The following ZNF674 variants were observed in gnomAD, a reference collection of about 807,000 sequenced individuals.
The protein encoded by ZNF674 is zinc finger family member 674.
ZNF674 carries 2 observed loss-of-function variants against 7.0 expected under a neutral mutation model. That is an observed-to-expected ratio of 0.29 (90% CI 0.12 to 0.90). The LOEUF is 0.90. Ranked by LOEUF, ZNF674 falls within the 40% of genes least tolerant of loss-of-function variation. The pLI is 0.57. For synonymous variants in ZNF674, 103 were observed against 145.2 expected (o/e 0.71, Z 2.09); for missense variants, 297 against 415.5 (o/e 0.71, Z 2.48).
chrX:46,540,010 C>T (rs1942263796), intron 3 of ZNF674, among the ~76,000 whole-genome samples: 1 of 111,599 alleles, frequency 9.0e-6, no homozygotes, highest in South Asian at 3.6e-4. Flanking sequence ...TCTGGGAGGC[C>T]GAGGAGGGCG....
Position 46,501,662 on chromosome X carries a change from ATG to A in ZNF674, c.239-329_239-328del, listed in dbSNP as rs372308686. ...TATATATACATATAATTGTATATAT[ATG>A]TGTGTGTGTGTGTGTGTGTGTGTAT... On this transcript the variant is annotated intron_variant, in intron 5 of 5. Coordinates refer to ENST00000683375, the MANE Select transcript of ZNF674 (RefSeq NM_001190417.2). 6.3e-3 allele frequency among the ~76,000 whole-genome samples: 648 copies of A among 102,197 alleles called. 6 individuals carry two copies. Among genetic ancestry groups the A allele is most frequent in the African/African-American group, 0.019 (546 of 28,192 alleles). The allele number at this position is 102,197 out of a possible 115,157, so 88.7% of individuals were successfully genotyped here.
At chrX:46,531,538 A>G (rs1468692992) in intron 3 of ZNF674, among the ~76,000 whole-genome samples, 1 of 111,648 alleles carries the variant, frequency 9.0e-6, no homozygotes, top group African/African-American at 3.3e-5. Flanking sequence ...TGTCCACTGG[A>G]GAATGACTTG....
intron 5 of ZNF674, among the ~76,000 whole-genome samples, chrX:46,519,273 T>TA (rs780507155): frequency 0.084 from 6,240 of 74,036 alleles, 331 homozygotes; most frequent in Middle Eastern, 0.1. Context: ...TAAAGATAGA[T>TA]GATAGATAGA....
At position 46,500,160 on chromosome X, in the gene ZNF674, C is replaced by T. The variant is rs1458510883; in HGVS notation, c.1414G>A (p.Ala472Thr). 1 of 1,211,415 alleles carries T rather than the reference C, an allele frequency of 8.3e-7. No homozygotes were observed. The highest frequency in any genetic ancestry group is 1.1e-6 in the Non-Finnish European group (1 of 895,304). The change falls in exon 6 of 6, where the codon GCC becomes ACC. Residue 472 changes from alanine (A) to threonine (T), a missense_variant. Physicochemically the swap from Ala to Thr is moderately conservative, Grantham distance 58. Coordinates refer to ENST00000683375, the MANE Select transcript of ZNF674 (RefSeq NM_001190417.2). ...ATCAGTGGTGACTTCTCACTAAAGG[C>T]TTTCCCACATTCGTTGCATTTATAG... ...KPYKCNECGKAFSEKSPLIKH... is the reference protein window; with the variant it reads ...KPYKCNECGKTFSEKSPLIKH...
intron 3 of ZNF674, among the ~76,000 whole-genome samples, chrX:46,532,523 C>CA (rs200324199): frequency 1.9e-3 from 212 of 111,032 alleles, no homozygotes; most frequent in African/African-American, 6.5e-3. Flanking sequence ...CGTTAAGTCG[C>CA]AAAAAAAATT....
At chrX:46,530,703 T>C (rs768169588) in intron 3 of ZNF674, among the ~76,000 whole-genome samples, 3 of 113,134 alleles carry the variant, frequency 2.7e-5, no homozygotes, top group African/African-American at 6.4e-5. Context: ...GAATAGCCTC[T>C]GAAGTGATCA....
At chrX:46,533,829 A>ATATATATATAT (rs1556020014) in intron 3 of ZNF674, among the ~76,000 whole-genome samples, 3 of 65,542 alleles carry the variant, frequency 4.6e-5, no homozygotes, top group African/African-American at 3.0e-4. Flanking sequence ...AAAAAAAAAA[A>ATATATATATAT]ATATATATAT....
intron 5 of ZNF674, among the ~76,000 whole-genome samples, chrX:46,524,882 T>G: frequency 9.1e-6 from 1 of 109,419 alleles, no homozygotes; most frequent in Non-Finnish European, 1.9e-5. Context: ...TGGTGGTACA[T>G]GCCTGTAGTC....
intron 3 of ZNF674, among the ~76,000 whole-genome samples, chrX:46,534,889 C>T (rs746446262): frequency 8.9e-4 from 97 of 109,154 alleles, no homozygotes; most frequent in Non-Finnish European, 1.6e-3. Flanking sequence ...TACAGGCACC[C>T]GCCACCATAC....
Position 46,498,559 on chromosome X carries a change from G to A in ZNF674, c.*1284C>T, listed in dbSNP as rs55646680. 0.27 allele frequency: 29,183 copies of A among 109,164 alleles called. 3,080 individuals carry two copies. The highest frequency in any genetic ancestry group is 0.37 in the Middle Eastern group (78 of 209). The allele number at this position is 109,164 out of a possible 1,213,427, so 9.0% of individuals were successfully genotyped here. On this transcript the variant is annotated 3_prime_UTR_variant, in exon 6 of 6. Coordinates refer to ENST00000683375, the MANE Select transcript of ZNF674 (RefSeq NM_001190417.2). ...AATAATCTGGGAGTTTGCCCCACAT[G>A]GGATATTTTATGCTTTATACTGTTC...
chrX:46,539,153 G>A (rs1041978258), intron 3 of ZNF674, among the ~76,000 whole-genome samples: 27 of 111,987 alleles, frequency 2.4e-4, no homozygotes, highest in Non-Finnish European at 1.5e-4. Flanking sequence ...CCACCATACT[G>A]TAGCCTGGGT....
Position 46,501,225 on chromosome X carries a change from C to G in ZNF674, c.349G>C (p.Glu117Gln). ...KETLKDESGQECKICRKIIYL... is the reference protein window; with the variant it reads ...KETLKDESGQQCKICRKIIYL... The stretch of plus-strand genomic sequence containing the variant: ...ATGATTTTTCTACATATTTTACATT[C>G]TTGACCACTTTCATCCTTCAGTGTT... Residue 117 changes from glutamate (E) to glutamine (Q), a missense_variant, in exon 6 of 6, where the codon GAA becomes CAA. Transcript: ENST00000683375. 8.3e-7 allele frequency: 1 copy of G among 1,211,023 alleles called. No homozygotes were observed. The highest frequency in any genetic ancestry group is 2.2e-5 in the Admixed American group (1 of 45,935).
intron 3 of ZNF674, among the ~76,000 whole-genome samples, chrX:46,538,873 C>T (rs917663263): frequency 3.8e-4 from 42 of 110,964 alleles, no homozygotes; most frequent in Admixed American, 3.8e-3. Flanking sequence ...GCCTGGGCAA[C>T]ACAGCAAGAC....
At chrX:46,529,626 G>A (rs1199651804) in intron 3 of ZNF674, 1 of 103,836 alleles carries the variant, frequency 9.6e-6, no homozygotes, top group Non-Finnish European at 1.9e-5. Flanking sequence ...CCAAGATCAC[G>A]CCATTGCACT....
At position 46,497,729 on chromosome X, in the gene ZNF674, C is replaced by A. The variant is rs1418017573; in HGVS notation, c.*2114G>T. 2 of 111,322 alleles carry A rather than the reference C, an allele frequency of 1.8e-5. No homozygotes were observed. The highest frequency in any genetic ancestry group is 9.6e-5 in the Admixed American group (1 of 10,397). The allele number at this position is 111,322 out of a possible 1,213,427, so 9.2% of individuals were successfully genotyped here. ...AGAAAATAAGCATGCGTAATATACA[C>A]TTTAAACGATATACTTTATTGGTGA... On this transcript the variant is annotated 3_prime_UTR_variant, in exon 6 of 6. Coordinates refer to ENST00000683375, the MANE Select transcript of ZNF674 (RefSeq NM_001190417.2).
intron 3 of ZNF674, among the ~76,000 whole-genome samples, chrX:46,534,543 G>A (rs1942169399): frequency 9.0e-6 from 1 of 110,820 alleles, no homozygotes. Context: ...TGTATTTTTT[G>A]TAGAAACGAG....
chrX:46,506,553 G>GA (rs1423121795), intron 5 of ZNF674, among the ~76,000 whole-genome samples: 2 of 111,547 alleles, frequency 1.8e-5, no homozygotes, highest in East Asian at 5.6e-4. Flanking sequence ...CTGAAACAGA[G>GA]AAAAAAATTA....
chrX:46,517,883 T>C (rs1217964933), intron 5 of ZNF674: 1 of 110,927 alleles, frequency 9.0e-6, no homozygotes, highest in African/African-American at 3.3e-5. Flanking sequence ...ACACAAAGGA[T>C]AAATGCTTGA....
At chrX:46,512,501 C>G (rs1941677678) in intron 5 of ZNF674, among the ~76,000 whole-genome samples, 1 of 111,100 alleles carries the variant, frequency 9.0e-6, no homozygotes, top group African/African-American at 3.3e-5. Flanking sequence ...TGGCTCATGC[C>G]TGTAATCCCA....
Sources: gnomAD v4.1 joint callset for allele counts (sites outside exome capture counted in the v4.1 genomes callset) on GRCh38, gnomAD v4.1.1 for gene constraint, MANE v1.5 for transcripts, NCBI Gene and HGNC (gene_info 2026-07-23, HGNC 2026-07-21) for gene names.